GSTA3: variants seen among roughly 807,000 people sequenced by gnomAD.
GSTA3 encodes the protein glutathione S-transferase alpha 3.
A neutral mutation model predicts 23.1 loss-of-function variants in GSTA3; 16 were observed. The observed-to-expected ratio is 0.69, with a 90% CI of 0.47 to 1.05. The LOEUF (loss-of-function observed/expected upper bound fraction) is 1.05, where lower values mean the gene tolerates loss of function less well. Among genes scored for constraint, GSTA3 ranks in the 50% least tolerant of loss-of-function variants. The probability of loss-of-function intolerance (pLI) is 0.00; values close to 1 mark genes in which losing one functional copy is unlikely to be tolerated. For synonymous variants in GSTA3, 122 were observed against 91.0 expected (o/e 1.34, Z -1.94); for missense variants, 319 against 263.6 (o/e 1.21, Z -1.46).
chr6:52,902,729 T>C (rs979683981), intron 3 of GSTA3, among the ~76,000 whole-genome samples: 1 of 152,244 alleles, frequency 6.6e-6, no homozygotes, highest in Non-Finnish European at 1.5e-5. Flanking sequence ...AGGTCCCTTG[T>C]ATTTTACTTG....
At chr6:52,907,707 G>T (rs1765939459) in intron 1 of GSTA3, among the ~76,000 whole-genome samples, 1 of 151,754 alleles carries the variant, frequency 6.6e-6, no homozygotes, top group Non-Finnish European at 1.5e-5. Context: ...ATCATTCTCA[G>T]CAAACTATCG....
rs1329590062 is a variant in GSTA3, at chr6:52,900,073, A to G, written c.275T>C (p.Ile92Thr). ...TGCCATACCTTCTGTATACATATCA[A>G]TTCTGAAAGACAAAAACAGCCAAAG... Reference protein sequence around the residue: ...YGKDIKERALIDMYTEGMADL... With the variant: ...YGKDIKERALTDMYTEGMADL... Residue 92 changes from isoleucine (I) to threonine (T), a missense_variant and splice_region_variant, in exon 5 of 7, where the codon ATT (isoleucine) becomes ACT (threonine). By Grantham distance (89) the Ile-to-Thr change is moderately conservative. Transcript: ENST00000211122. 2 of 1,597,040 alleles carry G rather than the reference A, an allele frequency of 1.3e-6. No individual in the cohort carries two copies. The highest frequency in any genetic ancestry group is 1.2e-5 in the South Asian group (1 of 86,836).
chr6:52,902,674 C>G (rs1765733186), intron 3 of GSTA3, among the ~76,000 whole-genome samples, 196 bp from the exon 4 acceptor site: 1 of 152,140 alleles, frequency 6.6e-6, no homozygotes. Flanking sequence ...GACCTTTTAG[C>G]CTGTTATTTC....
rs770688260 is a variant in GSTA3 at position 52,897,940 on chromosome 6, C to T, written c.431G>A (p.Gly144Glu). The T allele has an allele frequency of 9.9e-6, 16 of 1,613,898 alleles. No individual in the cohort carries two copies. Among genetic ancestry groups the T allele is most frequent in the East Asian group, 6.7e-5 (3 of 44,890 alleles). ...PAFEKVLQSH[G>E]QDYLVGNKLS... ...CTTGTTGCCAACAAGGTAGTCTTGT[C>T]CATGGCTCTGTAACACCTGGAGAAT... The change falls in exon 6 of 7, where the codon GGA becomes GAA. Residue 144 changes from glycine to glutamate, a missense_variant. Physicochemically the swap from Gly to Glu is moderately conservative, Grantham distance 98. Coordinates refer to ENST00000211122, the MANE Select transcript of GSTA3 (RefSeq NM_000847.5).
At chr6:52,904,910 C>T (rs779299800) in intron 2 of GSTA3, among the ~76,000 whole-genome samples, 49 of 152,146 alleles carry the variant, frequency 3.2e-4, no homozygotes, top group Non-Finnish European at 6.5e-4. Context: ...TCCTTGTAGA[C>T]ATGTATGTAG....
At chr6:52,908,445 G>A (rs573265777) in intron 1 of GSTA3, among the ~76,000 whole-genome samples, 1 of 152,120 alleles carries the variant, frequency 6.6e-6, no homozygotes, top group South Asian at 2.1e-4. Flanking sequence ...AGCCCAAGAT[G>A]TTAAGGCTGC....
Position 52,905,842 on chromosome 6 carries a change from G to C in GSTA3, c.-8C>G. ...CTTGGGCTTCCCTGCCATGGTAACA[G>C]TCTCTTGGTTTCTCTAAAATGAATG... is the stretch of plus-strand genomic sequence containing the variant. On this transcript the variant is annotated 5_prime_UTR_variant, in exon 2 of 7. Transcript: ENST00000211122. 6.4e-7 allele frequency: 1 copy of C among 1,562,834 alleles called. No homozygotes were observed. Among genetic ancestry groups the C allele is most frequent in the South Asian group, 1.1e-5 (1 of 89,082 alleles).
chr6:52,904,516 A>C (rs1213679019), intron 2 of GSTA3, among the ~76,000 whole-genome samples: 2 of 152,186 alleles, frequency 1.3e-5, no homozygotes, highest in Non-Finnish European at 1.5e-5. Flanking sequence ...CTCGTGAAGC[A>C]TTGGAGAAAG....
At chr6:52,902,238 C>T in intron 4 of GSTA3, 108 bp downstream of exon 4, 1 of 1,395,754 alleles carries the variant, frequency 7.2e-7, no homozygotes, top group Non-Finnish European at 1.0e-6. Flanking sequence ...ACGCCCAAGG[C>T]CCAGCCTGCT....
chr6:52,901,536 T>G (rs951050250), intron 4 of GSTA3, among the ~76,000 whole-genome samples: 1 of 152,230 alleles, frequency 6.6e-6, no homozygotes, highest in Non-Finnish European at 1.5e-5. Flanking sequence ...TTGATGGATA[T>G]TTGGGTTATT....
Position 52,901,575 on chromosome 6 carries a change from C to T in GSTA3, c.272+771G>A, listed in dbSNP as rs776896870. Among the ~76,000 whole-genome samples the T allele has an allele frequency of 4.6e-5, 7 of 152,090 alleles. No individual in the cohort carries two copies. In the East Asian group the frequency reaches 7.7e-4, roughly 17 times the overall value. Reference sequence around the variant, plus strand: ...ACGTTTTGAATACCATGAAAATTGCCGTTATTTGCACTGTACGTTTATGTA... The same window carrying T: ...ACGTTTTGAATACCATGAAAATTGCTGTTATTTGCACTGTACGTTTATGTA... On this transcript the variant is annotated intron_variant, in intron 4 of 6. Transcript: ENST00000211122.
rs1765718940 is a variant in GSTA3 at position 52,902,407 on chromosome 6, T to TGGC, written c.208_210dup (p.Ala70dup). ...TATTTGCTGGCAATGTAGTTGAGAA[T>TGGC]GGCTCTGGTCTGTACCAACTTCATC... On this transcript the variant is annotated inframe_insertion, in exon 4 of 7. Coordinates refer to ENST00000211122, the MANE Select transcript of GSTA3 (RefSeq NM_000847.5). 6.2e-7 allele frequency: 1 copy of TGGC among 1,614,012 alleles called. No homozygotes were observed. Among genetic ancestry groups the TGGC allele is most frequent in the East Asian group, 2.2e-5 (1 of 44,886 alleles).
chr6:52,899,228 T>C (rs1372294791), intron 5 of GSTA3, among the ~76,000 whole-genome samples: 1 of 152,006 alleles, frequency 6.6e-6, no homozygotes, highest in Non-Finnish European at 1.5e-5. Context: ...GGTAGTTAAG[T>C]TTAAAAGTAG....
At chr6:52,904,637 C>T (rs1387477852) in intron 2 of GSTA3, among the ~76,000 whole-genome samples, 1 of 152,132 alleles carries the variant, frequency 6.6e-6, no homozygotes, top group Non-Finnish European at 1.5e-5. Context: ...TGCTGACACC[C>T]GAGGGACAAG....
At chr6:52,898,980 G>C (rs1765569243) in intron 5 of GSTA3, among the ~76,000 whole-genome samples, 1 of 152,160 alleles carries the variant, frequency 6.6e-6, no homozygotes, top group Non-Finnish European at 1.5e-5. Flanking sequence ...GCAGGAGTCA[G>C]GGCAGAGCAG....
intron 5 of GSTA3, 42 bp from the exon 6 acceptor site, chr6:52,897,998 CAGGATGGGACCCCTGCTT>C: frequency 6.2e-7 from 1 of 1,610,994 alleles, no homozygotes; most frequent in Non-Finnish European, 8.5e-7. Flanking sequence ...CATGCGCACC[CAGGATGGGACCCCTGCTT>C]CTCCCTGAGT....
In GSTA3 at chr6:52,900,092, G is replaced by A. The variant is rs1765616913; in HGVS notation, c.273-17C>T. 6.3e-7 allele frequency: 1 copy of A among 1,590,872 alleles called. No homozygotes were observed. ...ATATCAATTCTGAAAGACAAAAACA[G>A]CCAAAGCATCAAATGCCTCTTGCCT... On this transcript the variant is annotated splice_polypyrimidine_tract_variant and intron_variant, in intron 4 of 6. Coordinates refer to ENST00000211122, the MANE Select transcript of GSTA3 (RefSeq NM_000847.5).
At chr6:52,909,427 A>C (rs1406077813) in intron 1 of GSTA3, among the ~76,000 whole-genome samples, 3 of 152,156 alleles carry the variant, frequency 2.0e-5, no homozygotes, top group Non-Finnish European at 4.4e-5. Flanking sequence ...CATATCATCA[A>C]ATTCTTTGCC....
intron 4 of GSTA3, among the ~76,000 whole-genome samples, chr6:52,900,494 C>A (rs1463166206): frequency 6.6e-6 from 1 of 152,092 alleles, no homozygotes; most frequent in Non-Finnish European, 1.5e-5. Context: ...AACCCCTGAC[C>A]TCACGTGATC....
Sources: allele counts gnomAD v4.1 joint callset (sites outside exome capture counted in the v4.1 genomes callset), GRCh38; gene constraint gnomAD v4.1.1; transcripts MANE v1.5; gene names NCBI Gene and HGNC (gene_info 2026-07-23, HGNC 2026-07-21).